CSMD1: variants seen among roughly 807,000 people sequenced by gnomAD.
The protein encoded by CSMD1 is CUB and Sushi multiple domains 1, also known as CUB and sushi domain-containing protein 1.
In CSMD1, 213 loss-of-function variants were observed where a neutral mutation model predicts 417.5. That is an observed-to-expected ratio of 0.51 (90% confidence interval 0.46 to 0.57). The LOEUF (loss-of-function observed/expected upper bound fraction) is 0.57. Among genes scored for constraint, CSMD1 ranks in the 20% least tolerant of loss-of-function variants. CSMD1 has a pLI of 0.00. For synonymous variants in CSMD1, 2,862 were observed against 1,736.8 expected, an observed-to-expected ratio of 1.65 and a Z score of -16.11; for missense variants, 6,923 against 4,529.7, an observed-to-expected ratio of 1.53 and a Z score of -15.17.
At chr8:4,241,398 C>T (rs1210625574) in intron 3 of CSMD1, among the ~76,000 whole-genome samples, 1 of 152,194 alleles carries the variant, frequency 6.6e-6, no homozygotes, top group Non-Finnish European at 1.5e-5. Flanking sequence ...CACTTAAGTA[C>T]TTGCTAACCC....
intron 3 of CSMD1, among the ~76,000 whole-genome samples, chr8:4,232,108 A>T (rs756470525): frequency 1.3e-5 from 2 of 152,198 alleles, no homozygotes; most frequent in African/African-American, 4.8e-5. Context: ...CATGCTTCTG[A>T]TACTTTCAAG....
chr8:3,913,894 T>G (rs1335819540), intron 5 of CSMD1, among the ~76,000 whole-genome samples: 1 of 152,214 alleles, frequency 6.6e-6, no homozygotes, highest in Non-Finnish European at 1.5e-5. Context: ...CGACTGTTTT[T>G]TGTCCAGCTG....
At chr8:3,507,406 G>C (rs1038960479) in intron 10 of CSMD1, among the ~76,000 whole-genome samples, 7 of 152,154 alleles carry the variant, frequency 4.6e-5, no homozygotes, top group Admixed American at 3.9e-4. Context: ...GTCTATCATT[G>C]TTGGACATTT....
intron 5 of CSMD1, among the ~76,000 whole-genome samples, chr8:3,823,060 G>A (rs553728395): frequency 3.9e-5 from 6 of 152,172 alleles, no homozygotes; most frequent in East Asian, 1.9e-4. Context: ...CTATGGTTCC[G>A]GAAGAGATTT....
intron 1 of CSMD1, among the ~76,000 whole-genome samples, chr8:4,751,259 C>A (rs549220004): frequency 6.6e-6 from 1 of 152,210 alleles, no homozygotes; most frequent in Admixed American, 6.5e-5. Flanking sequence ...GTGGCACGCA[C>A]CTGCAGTCCC....
chr8:4,158,474 G>A (rs568502885), intron 3 of CSMD1, among the ~76,000 whole-genome samples: 2 of 152,292 alleles, frequency 1.3e-5, no homozygotes, highest in Admixed American at 6.5e-5. Flanking sequence ...ACAGCCGCTA[G>A]TGCAGTCATC....
rs566585380 is a variant in CSMD1, at chr8:3,523,716, CAT to C, written c.1345-29992_1345-29991del. Among the ~76,000 whole-genome samples, 627 of 151,854 alleles carry C rather than the reference CAT, an allele frequency of 4.1e-3. 7 individuals carry two copies. Among genetic ancestry groups the C allele is most frequent in the African/African-American group, 0.015 (614 of 41,348 alleles). On this transcript the variant is annotated intron_variant, in intron 10 of 69. Coordinates refer to ENST00000635120, the MANE Select transcript of CSMD1 (RefSeq NM_033225.6). ...ATATGCACACATGTGCATGCACACA[CAT>C]ATGCATGCACACTCAGAGACACATG...
At chr8:2,997,817 C>A (rs1021963733) in intron 54 of CSMD1, among the ~76,000 whole-genome samples, 194 bp downstream of exon 54, 1 of 152,190 alleles carries the variant, frequency 6.6e-6, no homozygotes. Context: ...AATTGAACAT[C>A]TGGCCACGAG....
At chr8:4,400,573 A>G (rs1329517399) in intron 3 of CSMD1, among the ~76,000 whole-genome samples, 1 of 152,232 alleles carries the variant, frequency 6.6e-6, no homozygotes, top group African/African-American at 2.4e-5. Context: ...ATCAGCCATT[A>G]CTTTCATTAG....
At chr8:4,446,739 G>GTGTGTGTGTGTGTGTGTC (rs1563183188) in intron 2 of CSMD1, among the ~76,000 whole-genome samples, 5 of 122,284 alleles carry the variant, frequency 4.1e-5, no homozygotes, top group African/African-American at 1.6e-4. Context: ...GTGTCTGTGT[G>GTGTGTGTGTGTGTGTGTC]TGTGTGTGTG....
Position 3,934,179 on chromosome 8 carries a change from C to T in CSMD1, c.818+63724G>A, listed in dbSNP as rs190979878. Reference sequence around the variant, plus strand: ...TTACAGAAATAACTGAATAGAATCTCGGCTAAACCATGATCTTAATTTCAT... The same window carrying T: ...TTACAGAAATAACTGAATAGAATCTTGGCTAAACCATGATCTTAATTTCAT... On this transcript the variant is annotated intron_variant, in intron 5 of 69. Coordinates refer to ENST00000635120, the MANE Select transcript of CSMD1 (RefSeq NM_033225.6). Among the ~76,000 whole-genome samples, 282 of 152,244 alleles carry T rather than the reference C, an allele frequency of 1.9e-3. 9 individuals carry two copies. Among genetic ancestry groups the T allele is most frequent in the Admixed American group, 2.7e-3 (41 of 15,276 alleles).
chr8:3,065,991 G>A (rs1812914052), intron 49 of CSMD1, among the ~76,000 whole-genome samples: 1 of 152,110 alleles, frequency 6.6e-6, no homozygotes, highest in South Asian at 2.1e-4. Flanking sequence ...AATGGCAAAT[G>A]ACTGTTCAGT....
At chr8:4,886,101 C>G (rs1803721185) in intron 1 of CSMD1, among the ~76,000 whole-genome samples, 1 of 152,080 alleles carries the variant, frequency 6.6e-6, no homozygotes. Flanking sequence ...GACGATCCTC[C>G]TGCCTCAGCC....
At chr8:3,091,879 C>T (rs183832678) in intron 47 of CSMD1, among the ~76,000 whole-genome samples, 19 of 152,144 alleles carry the variant, frequency 1.2e-4, no homozygotes, top group Admixed American at 2.6e-4. Context: ...GGTGCATATG[C>T]TATTAATGGT....
chr8:3,846,727 G>A (rs1381172236), intron 5 of CSMD1, among the ~76,000 whole-genome samples: 1 of 151,982 alleles, frequency 6.6e-6, no homozygotes, highest in Non-Finnish European at 1.5e-5. Context: ...GTGCAACCTT[G>A]ACTCACTGCA....
chr8:3,514,092 A>G (rs1563111044), intron 10 of CSMD1, among the ~76,000 whole-genome samples: 1 of 152,080 alleles, frequency 6.6e-6, no homozygotes. Flanking sequence ...GCATCACTCA[A>G]TCCTCTTCTC....
chr8:4,264,765 T>A (rs1804132948), intron 3 of CSMD1, among the ~76,000 whole-genome samples: 1 of 152,126 alleles, frequency 6.6e-6, no homozygotes, highest in Non-Finnish European at 1.5e-5. Flanking sequence ...AGAACGTTCT[T>A]TGGCCATTTT....
At chr8:3,523,729 ACT>A (rs1250030359) in intron 10 of CSMD1, among the ~76,000 whole-genome samples, 1 of 151,138 alleles carries the variant, frequency 6.6e-6, no homozygotes, top group Non-Finnish European at 1.5e-5. Flanking sequence ...ATGCATGCAC[ACT>A]CAGAGACACA....
chr8:4,125,654 T>A (rs1011163799), intron 3 of CSMD1, among the ~76,000 whole-genome samples: 2 of 152,198 alleles, frequency 1.3e-5, no homozygotes, highest in South Asian at 4.1e-4. Flanking sequence ...CAACTCTATG[T>A]TGCTTCTAAC....
Sources: gnomAD v4.1 joint callset for allele counts (sites outside exome capture counted in the v4.1 genomes callset) on GRCh38, gnomAD v4.1.1 for gene constraint, MANE v1.5 for transcripts, NCBI Gene and HGNC (gene_info 2026-07-23, HGNC 2026-07-21) for gene names.